The following MCTP1 variants were observed in gnomAD, a reference collection of about 807,000 sequenced individuals.
MCTP1 encodes multiple C2 and transmembrane domain-containing protein 1.
In MCTP1, 69 loss-of-function variants were observed where a neutral mutation model predicts 120.6. The observed-to-expected ratio is 0.57, with a 90% confidence interval of 0.47 to 0.70. The LOEUF (loss-of-function observed/expected upper bound fraction) is 0.70. MCTP1 is among the 30% of genes least tolerant of loss of function. MCTP1 has a pLI of 0.00. For synonymous variants in MCTP1, 529 were observed against 493.1 expected, an observed-to-expected ratio of 1.07 and a Z score of -0.96; for missense variants, 1,203 against 1,248.8, an observed-to-expected ratio of 0.96 and a Z score of 0.55.
chr5:94,748,943 G>T (rs1162870900), intron 19 of MCTP1, among the ~76,000 whole-genome samples: 2 of 152,190 alleles, frequency 1.3e-5, no homozygotes, highest in African/African-American at 4.8e-5. Flanking sequence ...TTAGAAGCCT[G>T]GGAGATGAGC....
intron 19 of MCTP1, among the ~76,000 whole-genome samples, chr5:94,755,667 C>T (rs1769633618): frequency 6.6e-6 from 1 of 152,176 alleles, no homozygotes; most frequent in African/African-American, 2.4e-5. Context: ...GATTCCCCTC[C>T]TATCACTCTG....
At chr5:94,803,828 G>A (rs750142911) in intron 17 of MCTP1, among the ~76,000 whole-genome samples, 8 of 152,092 alleles carry the variant, frequency 5.3e-5, no homozygotes, top group African/African-American at 7.2e-5. Context: ...TGATGACCCC[G>A]ATTTTTCCAT....
chr5:95,142,238 A>G lies in MCTP1; in HGVS notation c.721-124754T>C, dbSNP rs552145840. ...TTTAGCTTGGTCATTGTCTCCAGAA[A>G]AAAACACCATGTAATTCTCCAAATT... is the stretch of plus-strand genomic sequence containing the variant. On this transcript the variant is annotated intron_variant, in intron 1 of 22. Transcript: ENST00000515393. 3.3e-5 allele frequency among the ~76,000 whole-genome samples: 5 copies of G among 152,334 alleles called. No individual in the cohort carries two copies. In the East Asian group the frequency reaches 9.6e-4, roughly 29 times the overall value.
rs537923613 is a variant in MCTP1 at position 94,720,024 on chromosome 5, G to T, written c.2611-5138C>A. Among the ~76,000 whole-genome samples the T allele has an allele frequency of 4.0e-4, 61 of 152,210 alleles. 1 individual carries two copies. In the South Asian group the frequency reaches 8.3e-3, roughly 21 times the overall value. ...GCCTGTAATCCCAGCTACTCAGGAG[G>T]CTGAGGCAGGAGAATCGCTTGAACC... is the stretch of plus-strand genomic sequence containing the variant. On this transcript the variant is annotated intron_variant, in intron 19 of 22. Coordinates refer to ENST00000515393, the MANE Select transcript of MCTP1 (RefSeq NM_024717.7).
intron 1 of MCTP1, among the ~76,000 whole-genome samples, chr5:95,222,644 A>T (rs1316052867): frequency 6.6e-6 from 1 of 152,252 alleles, no homozygotes; most frequent in African/African-American, 2.4e-5. Context: ...ACAAAATGTA[A>T]AACATTTATG....
At chr5:95,083,219 C>T (rs1331640026) in intron 1 of MCTP1, among the ~76,000 whole-genome samples, 2 of 152,126 alleles carry the variant, frequency 1.3e-5, no homozygotes, top group Non-Finnish European at 2.9e-5. Context: ...TCTCATATCA[C>T]TGAATTTCCA....
intron 19 of MCTP1, among the ~76,000 whole-genome samples, chr5:94,768,002 T>C (rs1164729438): frequency 6.6e-6 from 1 of 152,192 alleles, no homozygotes; most frequent in African/African-American, 2.4e-5. Context: ...GACTTCAAAA[T>C]ATGCTATAAA....
At chr5:94,907,846 G>A (rs1003700000) in intron 10 of MCTP1, among the ~76,000 whole-genome samples, 6 of 151,886 alleles carry the variant, frequency 4.0e-5, no homozygotes, top group Non-Finnish European at 8.8e-5. Context: ...TAGAAATACA[G>A]GTAGCCAGAA....
chr5:94,739,084 C>A (rs1297870615), intron 19 of MCTP1: 1 of 152,132 alleles, frequency 6.6e-6, no homozygotes, highest in East Asian at 1.9e-4. Flanking sequence ...TCTTTGATTA[C>A]CTTGGTATTT....
chr5:94,909,120 G>T, intron 10 of MCTP1, 131 bp downstream of exon 10: 1 of 1,080,854 alleles, frequency 9.3e-7, no homozygotes, highest in Non-Finnish European at 1.3e-6. Context: ...GTTCATCCAA[G>T]CATTGCCTTA....
intron 2 of MCTP1, chr5:94,980,805 T>C (rs1241210541): frequency 6.6e-6 from 1 of 152,140 alleles, no homozygotes; most frequent in Non-Finnish European, 1.5e-5. Context: ...CTAAAAGTTT[T>C]TTTCGTTTTA....
intron 1 of MCTP1, among the ~76,000 whole-genome samples, chr5:95,023,200 C>T (rs953485616): frequency 1.3e-5 from 2 of 152,224 alleles, no homozygotes; most frequent in African/African-American, 4.8e-5. Flanking sequence ...AGTGAACACA[C>T]ACTTACTGCC....
In MCTP1 at chr5:95,106,040, G is replaced by A. The variant is rs1757054932; in HGVS notation, c.721-88556C>T. Among the ~76,000 whole-genome samples the A allele has an allele frequency of 3.3e-5, 5 of 152,176 alleles. No individual in the cohort carries two copies. The South Asian group carries it at 1.0e-3, about 31-fold the overall frequency. The stretch of plus-strand genomic sequence containing the variant: ...TTGTTTCAAACTTATGGTATGTTCT[G>A]TGTCTGTGCTCTGATGCCAGCAGCT... On this transcript the variant is annotated intron_variant, in intron 1 of 22. Transcript: ENST00000515393.
chr5:95,053,720 C>G (rs1746620182), intron 1 of MCTP1, among the ~76,000 whole-genome samples: 1 of 152,092 alleles, frequency 6.6e-6, no homozygotes, highest in Non-Finnish European at 1.5e-5. Flanking sequence ...GTGAGGGGCT[C>G]TGACTCAAAA....
At chr5:94,721,127 C>G (rs1318664765) in intron 19 of MCTP1, among the ~76,000 whole-genome samples, 1 of 152,140 alleles carries the variant, frequency 6.6e-6, no homozygotes, top group African/African-American at 2.4e-5. Context: ...TTCGAAAATG[C>G]AGACACCATA....
At chr5:95,146,652 C>T (rs567359345) in intron 1 of MCTP1, among the ~76,000 whole-genome samples, 38 of 152,228 alleles carry the variant, frequency 2.5e-4, no homozygotes, top group African/African-American at 8.7e-4. Flanking sequence ...CCAAGAGTTA[C>T]TTCAGAGCAA....
chr5:94,918,552 A>C (rs1250016689), intron 7 of MCTP1, among the ~76,000 whole-genome samples: 1 of 152,200 alleles, frequency 6.6e-6, no homozygotes, highest in Admixed American at 6.5e-5. Flanking sequence ...CTTCACTACC[A>C]AGACCAAGAG....
At chr5:95,235,559 C>G (rs1439520466) in intron 1 of MCTP1, among the ~76,000 whole-genome samples, 1 of 151,520 alleles carries the variant, frequency 6.6e-6, no homozygotes, top group Admixed American at 6.6e-5. Context: ...GCTTAAACTT[C>G]CAGAAAAATG....
chr5:94,832,104 C>T (rs36014084), intron 17 of MCTP1, among the ~76,000 whole-genome samples: 11,619 of 152,184 alleles, frequency 0.076, 563 homozygotes, highest in East Asian at 0.26. Context: ...ATCCCAAGGG[C>T]CCTACAGTTT....
Sources: gnomAD v4.1 joint callset for allele counts (sites outside exome capture counted in the v4.1 genomes callset) on GRCh38, gnomAD v4.1.1 for gene constraint, MANE v1.5 for transcripts, NCBI Gene and HGNC (gene_info 2026-07-23, HGNC 2026-07-21) for gene names.